The following ROBO2 variants were observed in gnomAD, a reference collection of about 807,000 sequenced individuals.
ROBO2 encodes roundabout guidance receptor 2.
Under a neutral mutation model 160.8 loss-of-function variants are expected in ROBO2, and 53 were observed. The observed-to-expected ratio is 0.33, with a 90% CI of 0.26 to 0.41. ROBO2 has a LOEUF of 0.41. Ranked by LOEUF, ROBO2 falls within the 10% of genes least tolerant of loss-of-function variation. ROBO2 has a pLI of 1.00. For missense variants in ROBO2, 1,577 were observed against 1,722.4 expected (o/e 0.92, Z 1.49); for synonymous variants, 664 against 611.7 (o/e 1.09, Z -1.26).
intron 2 of ROBO2, among the ~76,000 whole-genome samples, chr3:76,011,788 T>C (rs1004024843): frequency 2.0e-5 from 3 of 152,224 alleles, no homozygotes; most frequent in African/African-American, 7.2e-5. Context: ...GGATACAATA[T>C]TGTTTCCAGT....
intron 2 of ROBO2, among the ~76,000 whole-genome samples, chr3:77,306,814 G>A (rs1369295630): frequency 4.6e-5 from 7 of 152,054 alleles, no homozygotes; most frequent in Non-Finnish European, 7.4e-5. Flanking sequence ...GCAGTGAACT[G>A]GACAATCATT....
At chr3:76,736,154 C>T (rs891289786) in intron 2 of ROBO2, among the ~76,000 whole-genome samples, 3 of 151,448 alleles carry the variant, frequency 2.0e-5, no homozygotes, top group Non-Finnish European at 4.4e-5. Context: ...GTGGTGGTGG[C>T]GCCTGCAGTC....
intron 2 of ROBO2, among the ~76,000 whole-genome samples, chr3:76,858,930 A>C (rs2070441669): frequency 6.6e-6 from 1 of 152,316 alleles, no homozygotes; most frequent in African/African-American, 2.4e-5. Flanking sequence ...GTGCTGTTGG[A>C]CATATAGTGA....
At chr3:77,622,454 G>A (rs545620188) in intron 23 of ROBO2, 22 bp downstream of exon 24, 1 of 1,607,806 alleles carries the variant, frequency 6.2e-7, no homozygotes, top group Admixed American at 1.7e-5. Context: ...AATTTAATAG[G>A]AAAAACTGAC....
chr3:76,462,947 A>T (rs956299468), intron 2 of ROBO2, among the ~76,000 whole-genome samples: 4 of 152,150 alleles, frequency 2.6e-5, no homozygotes, highest in Non-Finnish European at 2.9e-5. Context: ...TGGCTGATTC[A>T]TGGTTGTTTA....
chr3:76,359,950 T>G (rs2075407174), intron 2 of ROBO2, among the ~76,000 whole-genome samples: 1 of 152,046 alleles, frequency 6.6e-6, no homozygotes, highest in African/African-American at 2.4e-5. Flanking sequence ...AGCTGCCAGT[T>G]TCAAGCAAGA....
intron 2 of ROBO2, among the ~76,000 whole-genome samples, chr3:76,283,425 G>A (rs1708348952): frequency 6.6e-6 from 1 of 151,528 alleles, no homozygotes; most frequent in Non-Finnish European, 1.5e-5. Context: ...GCTTTCTCTA[G>A]TCATTTCTTA....
In ROBO2 at chr3:77,427,914, T is replaced by C. The variant is rs563615138; in HGVS notation, c.389-49500T>C. Among the ~76,000 whole-genome samples the C allele has an allele frequency of 2.0e-5, 3 of 152,352 alleles. No homozygotes were observed. The South Asian group carries it at 6.2e-4, about 32-fold the overall frequency. ...ATCCTTGATATAAAAAGATTAATTT[T>C]ATATTCCGTTTTTAACCTTACAGGC... On this transcript the variant is annotated intron_variant, in intron 2 of 25. Transcript: ENST00000461745.
intron 2 of ROBO2, among the ~76,000 whole-genome samples, chr3:76,253,969 G>A (rs1271365854): frequency 6.6e-6 from 1 of 151,734 alleles, no homozygotes; most frequent in African/African-American, 2.4e-5. Flanking sequence ...AAGCAAAGTA[G>A]CATACTCTCA....
intron 2 of ROBO2, among the ~76,000 whole-genome samples, chr3:77,350,424 C>T (rs902175261): frequency 6.6e-6 from 1 of 152,088 alleles, no homozygotes; most frequent in Non-Finnish European, 1.5e-5. Flanking sequence ...GAATGTGAGT[C>T]TCTTCTGCAC....
intron 2 of ROBO2, among the ~76,000 whole-genome samples, chr3:76,584,695 T>G (rs1346231533): frequency 3.3e-5 from 5 of 152,122 alleles, no homozygotes; most frequent in Admixed American, 1.3e-4. Context: ...CTGTGGTACT[T>G]TGTTATGGCA....
intron 2 of ROBO2, among the ~76,000 whole-genome samples, chr3:77,454,669 T>C (rs1339994535): frequency 6.6e-6 from 1 of 152,218 alleles, no homozygotes; most frequent in Non-Finnish European, 1.5e-5. Context: ...TTTGAATATT[T>C]TTTTCACATC....
At chr3:76,702,885 T>A (rs1396035174) in intron 2 of ROBO2, among the ~76,000 whole-genome samples, 1 of 152,124 alleles carries the variant, frequency 6.6e-6, no homozygotes, top group African/African-American at 2.4e-5. Flanking sequence ...AAACGCTAAT[T>A]AGCTAATTCA....
intron 2 of ROBO2, among the ~76,000 whole-genome samples, chr3:76,657,678 A>ATATATGTGTGTATATATATT (rs1170068318): frequency 2.3e-5 from 1 of 43,516 alleles, no homozygotes; most frequent in Non-Finnish European, 4.2e-5. Flanking sequence ...GTATATATAT[A>ATATATGTGTGTATATATATT]CATATATGTG....
chr3:76,622,306 GAAAGA>G (rs1560253202), intron 2 of ROBO2, among the ~76,000 whole-genome samples: 1 of 137,610 alleles, frequency 7.3e-6, no homozygotes, highest in Non-Finnish European at 1.6e-5. Context: ...AAGAAAGAAA[GAAAGA>G]AAACATAGCC....
intron 2 of ROBO2, among the ~76,000 whole-genome samples, chr3:77,004,802 A>G (rs1258293093): frequency 6.6e-6 from 1 of 152,198 alleles, no homozygotes; most frequent in East Asian, 1.9e-4. Flanking sequence ...CTATAAAGTT[A>G]GACTCCATCC....
intron 2 of ROBO2, among the ~76,000 whole-genome samples, chr3:76,177,974 A>G (rs949842386): frequency 6.6e-6 from 1 of 152,112 alleles, no homozygotes; most frequent in African/African-American, 2.4e-5. Context: ...TAAAGGTATG[A>G]CTTTGAGTTT....
chr3:76,558,571 A>C (rs1262419193), intron 2 of ROBO2, among the ~76,000 whole-genome samples: 1 of 152,036 alleles, frequency 6.6e-6, no homozygotes, highest in Non-Finnish European at 1.5e-5. Flanking sequence ...ATTTATACAA[A>C]ATAACCAAAT....
At chr3:76,472,063 A>ATGTGTG (rs57259386) in intron 2 of ROBO2, among the ~76,000 whole-genome samples, 6,058 of 137,878 alleles carry the variant, frequency 0.044, 166 homozygotes, top group Non-Finnish European at 0.058. Flanking sequence ...GTCTGATAAA[A>ATGTGTG]TGTGTGTGTG....
Sources: allele counts gnomAD v4.1 joint callset (sites outside exome capture counted in the v4.1 genomes callset), GRCh38; gene constraint gnomAD v4.1.1; transcripts MANE v1.5; gene names NCBI Gene and HGNC (gene_info 2026-07-23, HGNC 2026-07-21).